Variants in GAB1 observed in about 807,000 individuals in gnomAD.
The protein encoded by GAB1 is GRB2 associated binding protein 1, also known as GRB2-associated-binding protein 1.
GAB1 carries 19 observed loss-of-function variants against 66.5 expected under a neutral mutation model. The ratio of observed to expected loss-of-function variants is 0.29; its 90% confidence interval spans 0.20 to 0.42. The LOEUF is 0.42. Ranked by LOEUF, GAB1 falls within the 10% of genes least tolerant of loss-of-function variation. GAB1 has a pLI of 1.00. For missense variants in GAB1, 732 were observed against 858.5 expected (o/e 0.85, Z 1.84); for synonymous variants, 294 against 301.4 (o/e 0.98, Z 0.25).
chr4:143,369,326 C>T (rs905177962), intron 1 of GAB1, among the ~76,000 whole-genome samples: 1 of 152,168 alleles, frequency 6.6e-6, no homozygotes, highest in Non-Finnish European at 1.5e-5. Flanking sequence ...ATCTGCCTGC[C>T]TCAGCCTCCC....
intron 6 of GAB1, among the ~76,000 whole-genome samples, chr4:143,454,254 A>G (rs1735070999): frequency 6.6e-6 from 1 of 152,234 alleles, no homozygotes; most frequent in African/African-American, 2.4e-5. Context: ...TGTCTGTAAA[A>G]TCATTGCTAT....
rs199684708 is a variant in GAB1 at position 143,433,506 on chromosome 4, C to G, written c.383C>G (p.Pro128Arg). 133 of 1,613,716 alleles carry G rather than the reference C, an allele frequency of 8.2e-5. 1 individual carries two copies. In the South Asian group the frequency reaches 1.3e-3, roughly 16 times the overall value. Residue 128 changes from proline to arginine, a missense_variant, in exon 3 of 10, where the codon CCT (proline) becomes CGT (arginine). By Grantham distance (103) the Pro-to-Arg change is moderately radical (BLOSUM62 -2). This residue lies in a region of GAB1 where 427 missense variants were observed against 420.6 expected (regional missense o/e 1.02). Transcript: ENST00000262994. ...GGTGTTGCAGATCCTGTGAAGCCAC[C>G]TGGCAGCTCTTTACAAGCACCAGCT... ...NPTEEDPVKP[P>R]GSSLQAPADL...
intron 1 of GAB1, among the ~76,000 whole-genome samples, chr4:143,396,237 T>G (rs1362940457): frequency 6.6e-6 from 1 of 152,202 alleles, no homozygotes; most frequent in African/African-American, 2.4e-5. Flanking sequence ...AAGGAAAGAC[T>G]CATCCATGGC....
intron 6 of GAB1, among the ~76,000 whole-genome samples, chr4:143,455,793 C>A (rs1735156040): frequency 2.0e-5 from 3 of 152,180 alleles, no homozygotes; most frequent in Non-Finnish European, 2.9e-5. Flanking sequence ...CAGAGTGCTG[C>A]AAGATCTCCA....
chr4:143,391,733 T>C (rs1731197518), intron 1 of GAB1: 1 of 152,214 alleles, frequency 6.6e-6, no homozygotes, highest in African/African-American at 2.4e-5. Flanking sequence ...GATTTGTCAC[T>C]GTTGCCAAAG....
intron 1 of GAB1, among the ~76,000 whole-genome samples, chr4:143,346,442 C>T (rs1728994747): frequency 6.6e-6 from 1 of 152,192 alleles, no homozygotes; most frequent in South Asian, 2.1e-4. Context: ...AGCACATTCC[C>T]ATCACTGCTG....
At chr4:143,372,881 G>A (rs1730195544) in intron 1 of GAB1, among the ~76,000 whole-genome samples, 1 of 152,114 alleles carries the variant, frequency 6.6e-6, no homozygotes. Flanking sequence ...AACTGTCCTG[G>A]TCTTCCTCCA....
At position 143,430,142 on chromosome 4, in the gene GAB1, C is replaced by A. The variant is rs528301536; in HGVS notation, c.368-3349C>A. ...TCACAATCTCCCAAGTTATCAGAAA[C>A]CTACATTTGAAAGCACCTGTCAAAG... On this transcript the variant is annotated intron_variant, in intron 2 of 9. Transcript: ENST00000262994. Among the ~76,000 whole-genome samples the A allele has an allele frequency of 3.3e-5, 5 of 152,258 alleles. No individual in the cohort carries two copies. The South Asian group carries it at 8.3e-4, about 25-fold the overall frequency.
At chr4:143,369,377 A>C (rs958074754) in intron 1 of GAB1, among the ~76,000 whole-genome samples, 1 of 152,200 alleles carries the variant, frequency 6.6e-6, no homozygotes, top group Non-Finnish European at 1.5e-5. Context: ...GCAGCTGGCC[A>C]AGAAATACCA....
chr4:143,460,039 GTATA>G (rs771639501), intron 7 of GAB1, among the ~76,000 whole-genome samples: 52 of 151,900 alleles, frequency 3.4e-4, no homozygotes, highest in Admixed American at 8.5e-4. Flanking sequence ...GTGTGTGTGT[GTATA>G]TAGTTTTTAA....
chr4:143,359,106 A>G (rs1312967179), intron 1 of GAB1, among the ~76,000 whole-genome samples: 1 of 152,206 alleles, frequency 6.6e-6, no homozygotes, highest in Middle Eastern at 3.2e-3. Context: ...TGGTATGAGA[A>G]GTTAAACAGT....
In GAB1 at chr4:143,466,243, T is replaced by G. The variant is rs769656124; in HGVS notation, c.1926+18T>G. 11 of 1,611,754 alleles carry G rather than the reference T, an allele frequency of 6.8e-6. No homozygotes were observed. The South Asian group carries it at 1.2e-4, about 18-fold the overall frequency. On this transcript the variant is annotated intron_variant, in intron 9 of 9. Transcript: ENST00000262994. ...CACGTAAGGTGAGTGACATGTGACA[T>G]GTCTCTTCTTTGTATACAGTTAGTT...
chr4:143,448,447 T>C (rs1211182443), intron 6 of GAB1, among the ~76,000 whole-genome samples: 2 of 151,930 alleles, frequency 1.3e-5, no homozygotes, highest in Non-Finnish European at 2.9e-5. Context: ...GGTAAGCTAT[T>C]GATTATTGCC....
chr4:143,428,937 G>A (rs961631605), intron 2 of GAB1, among the ~76,000 whole-genome samples: 3 of 151,958 alleles, frequency 2.0e-5, no homozygotes, highest in African/African-American at 4.8e-5. Context: ...CATGGCACAT[G>A]TATACATATG....
intron 1 of GAB1, among the ~76,000 whole-genome samples, chr4:143,341,253 G>A (rs1728815245): frequency 6.6e-6 from 1 of 152,098 alleles, no homozygotes; most frequent in African/African-American, 2.4e-5. Flanking sequence ...CTGTCACTAG[G>A]ATTACAGAAA....
rs115467195 is a variant in GAB1, at chr4:143,467,800, T to C, written c.1927-1231T>C. The stretch of plus-strand genomic sequence containing the variant: ...TTCTCAGTTTCAGCATCACCTCCAA[T>C]GCAGGGCCTCCTGATTGCATTTTTG... On this transcript the variant is annotated intron_variant, in intron 9 of 9. Transcript: ENST00000262994. Among the ~76,000 whole-genome samples the C allele has an allele frequency of 3.6e-3, 545 of 152,324 alleles. 8 individuals carry two copies. Among genetic ancestry groups the C allele is most frequent in the African/African-American group, 0.012 (514 of 41,574 alleles).
At chr4:143,454,999 T>C (rs1041689993) in intron 6 of GAB1, among the ~76,000 whole-genome samples, 1 of 152,138 alleles carries the variant, frequency 6.6e-6, no homozygotes, top group Non-Finnish European at 1.5e-5. Context: ...AGACCCTCCA[T>C]GTAATTTTTC....
At position 143,349,971 on chromosome 4, in the gene GAB1, G is replaced by A. The variant is rs1025629968; in HGVS notation, c.72+12711G>A. The A allele has an allele frequency of 2.7e-5, 43 of 1,587,288 alleles. No individual in the cohort carries two copies. The South Asian group carries it at 2.9e-4, about 11-fold the overall frequency. ...TGACCAAGCGGCCCAACTTGGTGAC[G>A]GGCATCCACTCCTTATCCTCGGCCT... On this transcript the variant is annotated intron_variant, in intron 1 of 9. Transcript: ENST00000262994.
chr4:143,373,009 T>G (rs1410307041), intron 1 of GAB1, among the ~76,000 whole-genome samples: 1 of 151,714 alleles, frequency 6.6e-6, no homozygotes, highest in Non-Finnish European at 1.5e-5. Flanking sequence ...TTATTTAATT[T>G]TAGTAACGCA....
Sources: gnomAD v4.1 joint callset for allele counts (sites outside exome capture counted in the v4.1 genomes callset) on GRCh38, gnomAD v4.1.1 for gene constraint, gnomAD v4.1.1 regional missense constraint, MANE v1.5 for transcripts, NCBI Gene and HGNC (gene_info 2026-07-23, HGNC 2026-07-21) for gene names.